Variants in NTM observed in about 807,000 individuals in gnomAD.
NTM encodes the protein IgLON family member 2.
NTM carries 13 observed loss-of-function variants against 42.1 expected under a neutral mutation model. The observed-to-expected ratio is 0.31, with a 90% CI of 0.20 to 0.49. The LOEUF is 0.49. NTM is among the 20% of genes least tolerant of loss of function. NTM has a pLI of 0.99. For synonymous variants in NTM, 187 were observed against 179.2 expected, an observed-to-expected ratio of 1.04 and a Z score of -0.35; for missense variants, 373 against 452.8, an observed-to-expected ratio of 0.82 and a Z score of 1.60.
intron 2 of NTM, among the ~76,000 whole-genome samples, chr11:132,014,600 G>C (rs546650117): frequency 2.6e-5 from 4 of 151,760 alleles, no homozygotes; most frequent in African/African-American, 7.2e-5. Context: ...ATGATATCTT[G>C]TTGTGGTTTT....
intron 3 of NTM, among the ~76,000 whole-genome samples, chr11:132,167,053 A>T (rs538593647): frequency 1.3e-5 from 2 of 152,298 alleles, no homozygotes; most frequent in Admixed American, 6.5e-5. Context: ...TATTCTACTT[A>T]AAAAAGATAC....
intron 4 of NTM, among the ~76,000 whole-genome samples, chr11:132,292,918 A>T (rs2094498011): frequency 6.6e-6 from 1 of 152,012 alleles, no homozygotes; most frequent in Admixed American, 6.6e-5. Context: ...TTATGGACAG[A>T]GTGAGATGCT....
chr11:131,442,114 CA>C (rs1949671353), intron 1 of NTM, among the ~76,000 whole-genome samples: 1 of 152,314 alleles, frequency 6.6e-6, no homozygotes, highest in Admixed American at 6.5e-5. Flanking sequence ...CATTCACAAA[CA>C]GTTTATTTTC....
intron 1 of NTM, among the ~76,000 whole-genome samples, chr11:131,411,707 T>A (rs887574743): frequency 3.3e-5 from 5 of 152,040 alleles, no homozygotes; most frequent in African/African-American, 4.8e-5. Flanking sequence ...AAACCCCCGG[T>A]GTCCCCACAT....
intron 1 of NTM, among the ~76,000 whole-genome samples, chr11:131,852,027 A>T (rs2045610520): frequency 6.6e-6 from 1 of 152,268 alleles, no homozygotes; most frequent in African/African-American, 2.4e-5. Context: ...ATTTCCAGCT[A>T]CTGGACTCGC....
chr11:131,502,953 C>G (rs965276034), intron 1 of NTM: 4 of 152,186 alleles, frequency 2.6e-5, no homozygotes, highest in African/African-American at 9.7e-5. Context: ...GAGATCAAAT[C>G]CTCACTGGAT....
At chr11:132,251,775 C>A (rs1412609451) in intron 4 of NTM, among the ~76,000 whole-genome samples, 1 of 152,092 alleles carries the variant, frequency 6.6e-6, no homozygotes, top group Non-Finnish European at 1.5e-5. Context: ...TATGAATGTG[C>A]CGTTTGGAAT....
intron 3 of NTM, among the ~76,000 whole-genome samples, chr11:132,154,294 A>T (rs915404711): frequency 7.9e-5 from 12 of 152,218 alleles, no homozygotes; most frequent in African/African-American, 2.9e-4. Flanking sequence ...TTATCAGTGG[A>T]AAAGAACATG....
intron 7 of NTM, among the ~76,000 whole-genome samples, chr11:132,325,208 G>T (rs1188454518): frequency 0.013 from 1,981 of 151,904 alleles, 44 homozygotes; most frequent in African/African-American, 0.046. Context: ...CACAGCAAAA[G>T]AAACTACCAT....
At chr11:132,294,837 A>G (rs1263646807) in intron 4 of NTM, among the ~76,000 whole-genome samples, 2 of 152,326 alleles carry the variant, frequency 1.3e-5, no homozygotes, top group East Asian at 3.9e-4. Context: ...GGCCAGGCTG[A>G]TTCCACTAAG....
At chr11:132,302,353 C>G (rs1030815568) in intron 4 of NTM, among the ~76,000 whole-genome samples, 1 of 152,196 alleles carries the variant, frequency 6.6e-6, no homozygotes, top group African/African-American at 2.4e-5. Context: ...ATACTACACA[C>G]TCGATAAACC....
chr11:132,270,823 T>C (rs1461935413), intron 4 of NTM, among the ~76,000 whole-genome samples: 1 of 152,176 alleles, frequency 6.6e-6, no homozygotes, highest in Non-Finnish European at 1.5e-5. Flanking sequence ...TTGTGCTTTG[T>C]GTATGTGTGT....
At chr11:131,659,842 G>A (rs529991880) in intron 1 of NTM, among the ~76,000 whole-genome samples, 5 of 152,324 alleles carry the variant, frequency 3.3e-5, no homozygotes, top group South Asian at 2.1e-4. Flanking sequence ...TGTCCTCCAC[G>A]GAGGGTCTCA....
intron 2 of NTM, among the ~76,000 whole-genome samples, chr11:131,938,121 G>A (rs1352845220): frequency 6.6e-6 from 1 of 152,222 alleles, no homozygotes. Context: ...ACCCAGAAAA[G>A]GTCCTTGCCC....
intron 1 of NTM, chr11:131,660,753 A>C (rs2067924776): frequency 1.4e-6 from 1 of 705,124 alleles, no homozygotes. Flanking sequence ...ACGAAGGGAG[A>C]CTGGGCCCTG....
At chr11:131,580,437 G>T (rs1164230582) in intron 1 of NTM, among the ~76,000 whole-genome samples, 15 of 152,270 alleles carry the variant, frequency 9.9e-5, no homozygotes. Context: ...CCCTCTGAGG[G>T]CAGCTATAGA....
chr11:131,901,395 C>A (rs1038656368), intron 1 of NTM, among the ~76,000 whole-genome samples: 2 of 152,216 alleles, frequency 1.3e-5, no homozygotes, highest in Admixed American at 1.3e-4. Context: ...CACTTTTCCA[C>A]ATATCCAAAT....
intron 1 of NTM, chr11:131,795,984 T>C: frequency 1.0e-6 from 1 of 985,152 alleles, no homozygotes; most frequent in Non-Finnish European, 1.2e-6. Flanking sequence ...GAAAAAGGTG[T>C]TTCAGATTGA....
chr11:132,064,082 A>G (rs2081081819), intron 2 of NTM, among the ~76,000 whole-genome samples: 1 of 152,168 alleles, frequency 6.6e-6, no homozygotes, highest in African/African-American at 2.4e-5. Context: ...TGAGGAAGAG[A>G]GGAGGAGGCA....
Sources: gnomAD v4.1 joint callset for allele counts (sites outside exome capture counted in the v4.1 genomes callset) on GRCh38, gnomAD v4.1.1 for gene constraint, MANE v1.5 for transcripts, NCBI Gene and HGNC (gene_info 2026-07-23, HGNC 2026-07-21) for gene names.